VCAN: variants seen among roughly 807,000 people sequenced by gnomAD.
The protein encoded by VCAN is versican core protein.
A neutral mutation model predicts 245.5 loss-of-function variants in VCAN; 44 were observed. That is an observed-to-expected ratio of 0.18 (90% confidence interval 0.14 to 0.23). The LOEUF (loss-of-function observed/expected upper bound fraction) is 0.23. Among genes scored for constraint, VCAN ranks in the 10% least tolerant of loss-of-function variants. The pLI, the probability that VCAN is intolerant of heterozygous loss-of-function variation, is 1.00. For missense variants in VCAN, 3,793 were observed against 4,057.9 expected, an observed-to-expected ratio of 0.93 and a Z score of 1.77; for synonymous variants, 1,413 against 1,437.0, an observed-to-expected ratio of 0.98 and a Z score of 0.38.
rs201043051 is a variant in VCAN, at chr5:83,490,170, C to T, written c.143C>T (p.Thr48Met). The T allele has an allele frequency of 1.1e-5, 18 of 1,614,138 alleles. No homozygotes were observed. The highest frequency in any genetic ancestry group is 5.3e-5 in the African/African-American group (4 of 75,016). Residue 48 changes from threonine to methionine, a missense_variant, in exon 3 of 15, where the codon ACG becomes ATG. Around this residue, in one of 5 missense-constraint regions of VCAN, gnomAD observed 179 missense variants for 169.7 expected, o/e 1.05. Coordinates refer to ENST00000265077, the MANE Select transcript of VCAN (RefSeq NM_004385.5). ...GKVSLPCHFS[T>M]MPTLPPSYNT... ...GTCAGCCTACCTTGTCATTTTTCAACGATGCCTACTTTGCCACCCAGTTAC... is the reference window on the plus strand; with the variant it reads ...GTCAGCCTACCTTGTCATTTTTCAATGATGCCTACTTTGCCACCCAGTTAC...
At chr5:83,558,655 AATGTT>A (rs1465057236) in intron 12 of VCAN, among the ~76,000 whole-genome samples, 2 of 152,168 alleles carry the variant, frequency 1.3e-5, no homozygotes, top group Non-Finnish European at 2.9e-5. Context: ...TATCATATTT[AATGTT>A]ATGCTATACA....
chr5:83,528,010 A>G (rs1178456402), intron 7 of VCAN, among the ~76,000 whole-genome samples: 2 of 152,226 alleles, frequency 1.3e-5, no homozygotes, highest in Non-Finnish European at 2.9e-5. Flanking sequence ...ACAGTCAATC[A>G]AATTACCTTC....
At chr5:83,571,296 C>T (rs989058279) in intron 12 of VCAN, among the ~76,000 whole-genome samples, 9 of 152,020 alleles carry the variant, frequency 5.9e-5, no homozygotes, top group Admixed American at 2.0e-4. Flanking sequence ...ATAGGCACAG[C>T]GACTATGTTT....
intron 12 of VCAN, among the ~76,000 whole-genome samples, chr5:83,556,002 A>T (rs2112474086): frequency 6.6e-6 from 1 of 152,340 alleles, no homozygotes; most frequent in Admixed American, 6.5e-5. Flanking sequence ...GTTTGGATTC[A>T]ATGAGTTTGG....
intron 10 of VCAN, among the ~76,000 whole-genome samples, chr5:83,551,368 C>A (rs1264281571): frequency 6.6e-6 from 1 of 151,826 alleles, no homozygotes; most frequent in African/African-American, 2.4e-5. Context: ...AAAAATTAGC[C>A]AGGCATGGTG....
Position 83,519,609 on chromosome 5 carries a change from G to C in VCAN, c.1303G>C (p.Asp435His). Residue 435 changes from aspartate (D) to histidine (H), a missense_variant, in exon 7 of 15, where the codon GAT becomes CAT. Coordinates refer to ENST00000265077, the MANE Select transcript of VCAN (RefSeq NM_004385.5). ...TPTGSTKKPWDMDDYSPSASG... is the reference protein window; with the variant it reads ...TPTGSTKKPWHMDDYSPSASG... Reference sequence around the variant, plus strand: ...TACTGGCAGTACCAAGAAGCCCTGGGATATGGATGACTACTCACCTTCTGC... The same window carrying C: ...TACTGGCAGTACCAAGAAGCCCTGGCATATGGATGACTACTCACCTTCTGC... The C allele has an allele frequency of 6.2e-7, 1 of 1,614,122 alleles. No homozygotes were observed. Among genetic ancestry groups the C allele is most frequent in the Non-Finnish European group, 8.5e-7 (1 of 1,179,986 alleles).
rs374992475 is a variant in VCAN at position 83,519,384 on chromosome 5, G to C, written c.1078G>C (p.Ala360Pro). The C allele has an allele frequency of 1.8e-5, 29 of 1,613,876 alleles. No homozygotes were observed. The African/African-American group carries it at 3.9e-4, about 22-fold the overall frequency. ...TACAACCATCGATTTGAGTATCCTC[G>C]CAGAAACTGCATCACCCAGTTTATC... is the stretch of plus-strand genomic sequence containing the variant. ...EATTIDLSIL[A>P]ETASPSLSKE... Residue 360 changes from alanine to proline, a missense_variant, in exon 7 of 15, where the codon GCA becomes CCA. This residue lies in a region of VCAN where 190 missense variants were observed against 288.6 expected (regional missense o/e 0.66). Transcript: ENST00000265077.
intron 7 of VCAN, among the ~76,000 whole-genome samples, chr5:83,533,379 T>C (rs768786873): frequency 5.9e-5 from 9 of 152,128 alleles, no homozygotes; most frequent in Non-Finnish European, 1.3e-4. Flanking sequence ...GTAAGGCCAG[T>C]TCTCTAACTT....
At chr5:83,564,859 A>G (rs1748015179) in intron 12 of VCAN, among the ~76,000 whole-genome samples, 3 of 152,138 alleles carry the variant, frequency 2.0e-5, no homozygotes, top group African/African-American at 7.2e-5. Flanking sequence ...ACATGTCAAG[A>G]ATGGTTTTTC....
rs1746971036 is a variant in VCAN at position 83,541,178 on chromosome 5, G to A, written c.8175G>A (p.Leu2725=). Residue 2725 remains leucine, a synonymous_variant, in exon 8 of 15, where the codon TTG becomes TTA. Coordinates refer to ENST00000265077, the MANE Select transcript of VCAN (RefSeq NM_004385.5). ...ATGACATGTTTGAATCAAGCACTTT[G>A]TCTGATGGTCAAGCTATTGCAGACC... ...ALDDMFESST[L]SDGQAIADQS... 1.2e-6 allele frequency: 2 copies of A among 1,613,902 alleles called. No homozygotes were observed. Among genetic ancestry groups the A allele is most frequent in the South Asian group, 2.2e-5 (2 of 91,086 alleles).
rs774626898 is a variant in VCAN, at chr5:83,541,350, G to A, written c.8347G>A (p.Ala2783Thr). Residue 2783 changes from alanine to threonine, a missense_variant, in exon 8 of 15, where the codon GCT (alanine) becomes ACT (threonine). By Grantham distance (58) the Ala-to-Thr change is moderately conservative. This residue lies in a region of VCAN where 3,182 missense variants were observed against 3,250.3 expected (regional missense o/e 0.98). Transcript: ENST00000265077. ...AGACCATACTCCCTATCTAAGTATT[G>A]CTACTACCCACCTTATGGATCAGAG... Reference protein sequence around the residue: ...LVDHTPYLSIATTHLMDQSVT... With the variant: ...LVDHTPYLSITTTHLMDQSVT... The A allele has an allele frequency of 1.2e-6, 2 of 1,614,024 alleles. No homozygotes were observed. The highest frequency in any genetic ancestry group is 3.3e-5 in the Admixed American group (2 of 59,994).
chr5:83,519,939 A>G lies in VCAN; in HGVS notation c.1633A>G (p.Thr545Ala). The change falls in exon 7 of 15, where the codon ACA (threonine) becomes GCA (alanine). Residue 545 changes from threonine (T) to alanine (A), a missense_variant. Physicochemically the swap from Thr to Ala is moderately conservative, Grantham distance 58. This residue lies in a region of VCAN where 3,182 missense variants were observed against 3,250.3 expected (regional missense o/e 0.98). Transcript: ENST00000265077. ...MVSTVSELVT[T>A]GHYGFTLGEE... Reference sequence around the variant, plus strand: ...AAGCACTGTTTCTGAATTGGTAACCACAGGTCACTATGGATTCACCTTGGG... The same window carrying G: ...AAGCACTGTTTCTGAATTGGTAACCGCAGGTCACTATGGATTCACCTTGGG... The G allele has an allele frequency of 6.2e-7, 1 of 1,614,140 alleles. No homozygotes were observed. Among genetic ancestry groups the G allele is most frequent in the Non-Finnish European group, 8.5e-7 (1 of 1,179,982 alleles).
At chr5:83,551,450 T>C (rs177929) in intron 10 of VCAN, among the ~76,000 whole-genome samples, 72,684 of 151,472 alleles carry the variant, frequency 0.48, 17,584 homozygotes, top group Admixed American at 0.51. Context: ...AAGCAGAGGT[T>C]GCAGTGAGCC....
chr5:83,514,377 A>G (rs1442531902), intron 6 of VCAN, among the ~76,000 whole-genome samples: 1 of 152,012 alleles, frequency 6.6e-6, no homozygotes, highest in Non-Finnish European at 1.5e-5. Flanking sequence ...ACATAATGCC[A>G]ATAGTTTTCC....
chr5:83,580,366 G>C lies in VCAN; in HGVS notation c.10123G>C (p.Asp3375His). ...CTTTAAAAATTCCTCATCAGCAAAG[G>C]ACAATTCAATAAATACATCCAAACA... ...KYFKNSSSAK[D>H]NSINTSKHDH... Residue 3375 changes from aspartate to histidine, a missense_variant, in exon 15 of 15, where the codon GAC becomes CAC. Transcript: ENST00000265077. 6.2e-7 allele frequency: 1 copy of C among 1,613,846 alleles called. No individual in the cohort carries two copies. The highest frequency in any genetic ancestry group is 8.5e-7 in the Non-Finnish European group (1 of 1,179,944).
At chr5:83,532,631 G>A (rs941768704) in intron 7 of VCAN, among the ~76,000 whole-genome samples, 1 of 151,962 alleles carries the variant, frequency 6.6e-6, no homozygotes, top group African/African-American at 2.4e-5. Context: ...GAGGCAGGAG[G>A]ATTGCTCAAA....
intron 5 of VCAN, among the ~76,000 whole-genome samples, chr5:83,508,525 C>T (rs1745548047): frequency 6.6e-6 from 1 of 152,132 alleles, no homozygotes; most frequent in Non-Finnish European, 1.5e-5. Flanking sequence ...TTCACTATAT[C>T]ATTAGGTTTT....
chr5:83,528,774 G>A (rs575922650), intron 7 of VCAN, among the ~76,000 whole-genome samples: 27 of 152,236 alleles, frequency 1.8e-4, no homozygotes, highest in African/African-American at 6.5e-4. Flanking sequence ...TAATTCAAGT[G>A]AATACTGAAT....
At chr5:83,530,724 G>A (rs1746485401) in intron 7 of VCAN, among the ~76,000 whole-genome samples, 1 of 152,088 alleles carries the variant, frequency 6.6e-6, no homozygotes, top group Admixed American at 6.6e-5. Flanking sequence ...CTCCAAGAAT[G>A]GGGCCCAGGT....
Sources: gnomAD v4.1 joint callset for allele counts (sites outside exome capture counted in the v4.1 genomes callset) on GRCh38, gnomAD v4.1.1 for gene constraint, gnomAD v4.1.1 regional missense constraint, MANE v1.5 for transcripts, NCBI Gene and HGNC (gene_info 2026-07-23, HGNC 2026-07-21) for gene names.